CLIC4: variants seen among roughly 807,000 people sequenced by gnomAD.
The protein encoded by CLIC4 is CLIC family member 4.
In CLIC4, 13 loss-of-function variants were observed where a neutral mutation model predicts 24.6. That is an observed-to-expected ratio of 0.53 (90% confidence interval 0.34 to 0.84). The LOEUF is 0.84. CLIC4 is among the 40% of genes least tolerant of loss of function. The pLI is 0.01. For missense variants in CLIC4, 227 were observed against 301.7 expected, an observed-to-expected ratio of 0.75 and a Z score of 1.83; for synonymous variants, 104 against 111.3, an observed-to-expected ratio of 0.93 and a Z score of 0.41.
At chr1:24,762,439 G>A (rs746746762) in intron 1 of CLIC4, among the ~76,000 whole-genome samples, 1 of 152,078 alleles carries the variant, frequency 6.6e-6, no homozygotes, top group African/African-American at 2.4e-5. Flanking sequence ...ACAAGTGTAT[G>A]AGATCATTGT....
chr1:24,761,851 T>C (rs913738110), intron 1 of CLIC4, among the ~76,000 whole-genome samples: 4 of 152,060 alleles, frequency 2.6e-5, no homozygotes, highest in Non-Finnish European at 5.9e-5. Flanking sequence ...TAAGGAGGTA[T>C]GTGAGAGAGA....
intron 1 of CLIC4, among the ~76,000 whole-genome samples, chr1:24,754,771 A>G (rs1441150012): frequency 6.6e-6 from 1 of 152,140 alleles, no homozygotes; most frequent in East Asian, 1.9e-4. Context: ...GGTATAAGAA[A>G]TAAGAAATAA....
chr1:24,777,711 T>C (rs1639157734), intron 1 of CLIC4, among the ~76,000 whole-genome samples: 1 of 152,134 alleles, frequency 6.6e-6, no homozygotes, highest in Non-Finnish European at 1.5e-5. Flanking sequence ...ATGTCTAGTT[T>C]GAGTTGAGAT....
Position 24,780,506 on chromosome 1 carries a change from C to G in CLIC4, c.73-17236C>G, listed in dbSNP as rs183950836. On this transcript the variant is annotated intron_variant, in intron 1 of 5. Coordinates refer to ENST00000374379, the MANE Select transcript of CLIC4 (RefSeq NM_013943.3). ...ATGTACTCATGGCAATCTTGTCACA[C>G]TGGCTCTTTGCATGGCTGTTTCCTT... Among the ~76,000 whole-genome samples the G allele has an allele frequency of 5.5e-3, 834 of 152,372 alleles. 8 individuals carry two copies. Among genetic ancestry groups the G allele is most frequent in the Non-Finnish European group, 9.2e-3 (624 of 68,032 alleles).
At chr1:24,787,675 A>C (rs1304414055) in intron 1 of CLIC4, among the ~76,000 whole-genome samples, 1 of 149,424 alleles carries the variant, frequency 6.7e-6, no homozygotes, top group African/African-American at 2.5e-5. Flanking sequence ...AGCTGGGACT[A>C]CAGGCGTCTG....
intron 1 of CLIC4, among the ~76,000 whole-genome samples, chr1:24,749,403 C>T (rs1156600390): frequency 6.6e-6 from 1 of 151,968 alleles, no homozygotes; most frequent in African/African-American, 2.4e-5. Flanking sequence ...GGGGAAAGGC[C>T]AAGAGATGTA....
intron 1 of CLIC4, among the ~76,000 whole-genome samples, chr1:24,748,500 T>G (rs1431954235): frequency 3.8e-5 from 1 of 26,242 alleles, no homozygotes; most frequent in African/African-American, 1.1e-4. Flanking sequence ...AGGTTTTTTG[T>G]TTTTTTTTTT....
intron 1 of CLIC4, among the ~76,000 whole-genome samples, chr1:24,750,622 C>T (rs549734529): frequency 2.7e-4 from 41 of 151,944 alleles, no homozygotes; most frequent in African/African-American, 9.2e-4. Flanking sequence ...GCCTTGGCCT[C>T]CAAAAGTGCT....
intron 1 of CLIC4, among the ~76,000 whole-genome samples, chr1:24,793,823 AC>A (rs371539666): frequency 1.3e-5 from 2 of 150,834 alleles, no homozygotes; most frequent in African/African-American, 4.9e-5. Context: ...AACTCCCTTT[AC>A]CTCTCCATTA....
intron 1 of CLIC4, among the ~76,000 whole-genome samples, chr1:24,750,439 T>C (rs1017848949): frequency 1.3e-5 from 2 of 149,126 alleles, no homozygotes; most frequent in Non-Finnish European, 3.0e-5. Context: ...TTTCTTTCTT[T>C]TTTTTTTTTT....
At chr1:24,775,327 T>C (rs1412601465) in intron 1 of CLIC4, among the ~76,000 whole-genome samples, 1 of 150,880 alleles carries the variant, frequency 6.6e-6, no homozygotes, top group Non-Finnish European at 1.5e-5. Flanking sequence ...AACTTGAATC[T>C]GTAAATTTGT....
intron 1 of CLIC4, among the ~76,000 whole-genome samples, chr1:24,782,811 C>A (rs1299575378): frequency 6.6e-6 from 1 of 152,048 alleles, no homozygotes; most frequent in Non-Finnish European, 1.5e-5. Flanking sequence ...AAAACTGTCT[C>A]TACAAAAAAG....
intron 1 of CLIC4, among the ~76,000 whole-genome samples, chr1:24,754,220 G>A (rs1638813287): frequency 6.6e-6 from 1 of 152,224 alleles, no homozygotes; most frequent in South Asian, 2.1e-4. Context: ...AGAGGCAGGA[G>A]GCTTTGAGCC....
chr1:24,817,582 A>G (rs1041624796), intron 3 of CLIC4, among the ~76,000 whole-genome samples: 14 of 152,230 alleles, frequency 9.2e-5, no homozygotes, highest in Non-Finnish European at 1.0e-4. Flanking sequence ...CCTATTGGCA[A>G]TAAAGCTGTT....
intron 1 of CLIC4, among the ~76,000 whole-genome samples, chr1:24,774,590 C>G (rs531043087): frequency 4.0e-5 from 6 of 151,724 alleles, no homozygotes; most frequent in Admixed American, 1.3e-4. Flanking sequence ...CCCAGGAGTT[C>G]GAGACCATCT....
At position 24,827,222 on chromosome 1, in the gene CLIC4, C is replaced by T. The variant is rs1191851000; in HGVS notation, c.415+106C>T. ...ATGAGTACTTTAGAGTCCAGCCATT[C>T]CCATAAGTAATAAAAACTGTCTTTC... On this transcript the variant is annotated intron_variant, in intron 4 of 5. Coordinates refer to ENST00000374379, the MANE Select transcript of CLIC4 (RefSeq NM_013943.3). 7.4e-6 allele frequency: 5 copies of T among 674,314 alleles called. 1 individual carries two copies. The highest frequency in any genetic ancestry group is 5.7e-5 in the South Asian group (3 of 52,328). The allele number at this position is 674,314 out of a possible 1,614,324, so 41.8% of individuals were successfully genotyped here. A position where few individuals can be genotyped will look rare whatever the true frequency, so the allele number is the denominator to read the frequency against.
chr1:24,828,481 G>A (rs1410787822), intron 4 of CLIC4, among the ~76,000 whole-genome samples: 1 of 151,936 alleles, frequency 6.6e-6, no homozygotes, highest in African/African-American at 2.4e-5. Flanking sequence ...CGCTTCATGC[G>A]AGCTAACTGT....
At chr1:24,793,417 C>T (rs912122490) in intron 1 of CLIC4, among the ~76,000 whole-genome samples, 3 of 152,116 alleles carry the variant, frequency 2.0e-5, no homozygotes, top group African/African-American at 7.2e-5. Flanking sequence ...CTTAATGTAT[C>T]CAGCAGGCAG....
intron 1 of CLIC4, among the ~76,000 whole-genome samples, chr1:24,770,509 A>G (rs1284529355): frequency 6.6e-6 from 1 of 152,150 alleles, no homozygotes; most frequent in Non-Finnish European, 1.5e-5. Flanking sequence ...CTTTTGGCTC[A>G]CTTACCAAAC....
Sources: gnomAD v4.1 joint callset for allele counts (sites outside exome capture counted in the v4.1 genomes callset) on GRCh38, gnomAD v4.1.1 for gene constraint, MANE v1.5 for transcripts, NCBI Gene and HGNC (gene_info 2026-07-23, HGNC 2026-07-21) for gene names.